Variants in BCAN observed in about 807,000 individuals in gnomAD.
BCAN encodes brevican.
In BCAN, 51 loss-of-function variants were observed where a neutral mutation model predicts 92.4. The ratio of observed to expected loss-of-function variants is 0.55; its 90% CI spans 0.44 to 0.70. The LOEUF is 0.70. Ranked by LOEUF, BCAN falls within the 30% of genes least tolerant of loss-of-function variation. BCAN has a pLI of 0.00. For synonymous variants in BCAN, 501 were observed against 505.2 expected (o/e 0.99, Z 0.11); for missense variants, 1,140 against 1,212.1 (o/e 0.94, Z 0.88).
chr1:156,657,753 C>G lies in BCAN; in HGVS notation c.2288C>G (p.Pro763Arg), dbSNP rs191539381. ...GACTTCTTGTGGTCGGATGGCGTCC[C>G]CCTGGTGAGAGGCCCCAGTCGAACC... The part of the protein sequence containing the change: ...EGDFLWSDGV[P>R]LLYENWNPGQ... The change falls in exon 11 of 14, where the codon CCC becomes CGC. Residue 763 changes from proline (P) to arginine (R), a missense_variant. By Grantham distance (103) the Pro-to-Arg change is moderately radical (BLOSUM62 -2). Transcript: ENST00000329117. The G allele has an allele frequency of 5.0e-6, 8 of 1,610,356 alleles. No homozygotes were observed. The highest frequency in any genetic ancestry group is 4.0e-5 in the African/African-American group (3 of 74,668).
intron 1 of BCAN, among the ~76,000 whole-genome samples, chr1:156,645,804 TC>T (rs1398170940): frequency 6.6e-6 from 1 of 152,188 alleles, no homozygotes; most frequent in Non-Finnish European, 1.5e-5. Flanking sequence ...AAATAAAGGC[TC>T]AGAGAAGGTA....
At chr1:156,645,476 G>A (rs748087870) in intron 1 of BCAN, among the ~76,000 whole-genome samples, 7 of 152,144 alleles carry the variant, frequency 4.6e-5, no homozygotes, top group African/African-American at 7.2e-5. Context: ...GCTTACTTGC[G>A]TTCGGTCTAG....
At chr1:156,656,538 C>T (rs1679334647) in intron 9 of BCAN, 149 bp downstream of exon 9, 2 of 589,188 alleles carry the variant, frequency 3.4e-6, no homozygotes, top group Non-Finnish European at 5.3e-6. Context: ...TGAGTCCTAC[C>T]CTCAATTTTC....
intron 2 of BCAN, 146 bp downstream of exon 2, chr1:156,646,291 G>A: frequency 2.6e-6 from 2 of 755,778 alleles, no homozygotes; most frequent in Non-Finnish European, 4.2e-6. Context: ...GGGCTGAGCT[G>A]TGAGCATCTG....
At chr1:156,654,492 A>G (rs11264511) in intron 8 of BCAN, among the ~76,000 whole-genome samples, 66,513 of 152,046 alleles carry the variant, frequency 0.44, 17,201 homozygotes, top group East Asian at 0.62. Flanking sequence ...CAATGGAAAG[A>G]AAGGGAAAAC....
chr1:156,657,862 C>A, intron 11 of BCAN, 105 bp downstream of exon 11: 1 of 1,021,168 alleles, frequency 9.8e-7, no homozygotes, highest in Non-Finnish European at 1.4e-6. Context: ...TTTTTCCGGC[C>A]TCCTTCCCTT....
At chr1:156,649,856 A>G (rs761367595) in intron 6 of BCAN, 4 of 518,684 alleles carry the variant, frequency 7.7e-6, no homozygotes, top group South Asian at 5.6e-5. Flanking sequence ...ATACTGTTAC[A>G]AGAGCTGGAA....
In BCAN at chr1:156,658,209, A is replaced by T; in HGVS notation, c.2375A>T (p.Gln792Leu). 1 of 1,614,138 alleles carries T rather than the reference A, an allele frequency of 6.2e-7. No homozygotes were observed. Among genetic ancestry groups the T allele is most frequent in the Non-Finnish European group, 8.5e-7 (1 of 1,180,030 alleles). Reference protein sequence around the residue: ...ENCVVMVWHDQGQWSDVPCNY... With the variant: ...ENCVVMVWHDLGQWSDVPCNY... ...TGCGTGGTCATGGTGTGGCATGATCAGGGACAATGGAGTGACGTGCCCTGC... is the reference window on the plus strand; with the variant it reads ...TGCGTGGTCATGGTGTGGCATGATCTGGGACAATGGAGTGACGTGCCCTGC... Residue 792 changes from glutamine (Q) to leucine (L), a missense_variant, in exon 12 of 14, where the codon CAG becomes CTG. Gln to Leu is a moderately radical substitution (Grantham distance 113, BLOSUM62 -2). This residue lies in a region of BCAN where 825 missense variants were observed against 871.8 expected (regional missense o/e 0.95). Transcript: ENST00000329117. This position sits in a 1 kb window ranked among gnomAD's most constrained non-coding sequence, Gnocchi z 4.4.
At position 156,657,045 on chromosome 1, in the gene BCAN, G is replaced by A. The variant is rs762530903; in HGVS notation, c.2158G>A (p.Gly720Ser). 5 of 1,614,206 alleles carry A rather than the reference G, an allele frequency of 3.1e-6. No individual in the cohort carries two copies. The highest frequency in any genetic ancestry group is 4.2e-6 in the Non-Finnish European group (5 of 1,180,018). ...GGCAGAGACCCAGTGCCGGATGTACGGCGCGCATCTGGCCAGCATCAGCAC... is the reference window on the plus strand; with the variant it reads ...GGCAGAGACCCAGTGCCGGATGTACAGCGCGCATCTGGCCAGCATCAGCAC... ...EEAETQCRMY[G>S]AHLASISTPE... is the part of the protein sequence containing the mutation. Residue 720 changes from glycine (G) to serine (S), a missense_variant, in exon 10 of 14, where the codon GGC becomes AGC. Gly to Ser is a moderately conservative substitution (Grantham distance 56). This residue lies in a region of BCAN where 825 missense variants were observed against 871.8 expected (regional missense o/e 0.95). Transcript: ENST00000329117.
At chr1:156,645,144 A>G (rs950227572) in intron 1 of BCAN, among the ~76,000 whole-genome samples, 3 of 151,678 alleles carry the variant, frequency 2.0e-5, no homozygotes, top group African/African-American at 7.3e-5. Flanking sequence ...AGCCAGGGGT[A>G]GGAAGGGGTA....
In BCAN at chr1:156,647,166, A is replaced by C. The variant is rs778435839; in HGVS notation, c.457A>C (p.Lys153Gln). ...TGACAGCAGCGACGCTGTGGAGGTCAAGGTCAAAGGTGAGAGGGCAGGGAG... is the reference window on the plus strand; with the variant it reads ...TGACAGCAGCGACGCTGTGGAGGTCCAGGTCAAAGGTGAGAGGGCAGGGAG... Reference protein sequence around the residue: ...IDDSSDAVEVKVKGVVFLYRE... With the variant: ...IDDSSDAVEVQVKGVVFLYRE... The change falls in exon 3 of 14, where the codon AAG becomes CAG. Residue 153 changes from lysine to glutamine, a missense_variant. Transcript: ENST00000329117. This position sits in a 1 kb window ranked among gnomAD's most constrained non-coding sequence, Gnocchi z 4.8. 1.5e-6 allele frequency: 2 copies of C among 1,296,788 alleles called. No homozygotes were observed. Among genetic ancestry groups the C allele is most frequent in the Non-Finnish European group, 2.0e-6 (2 of 979,840 alleles). 80.3% of individuals were successfully genotyped at this position (1,296,788 alleles called of 1,614,324 possible). A position where few individuals can be genotyped will look rare whatever the true frequency, so the allele number is the denominator to read the frequency against.
At chr1:156,657,849 T>G (rs1221058523) in intron 11 of BCAN, 92 bp downstream of exon 11, 6 of 926,172 alleles carry the variant, frequency 6.5e-6, no homozygotes, top group Non-Finnish European at 9.0e-6. Flanking sequence ...CCCTGTCCCC[T>G]TCTTTTTCCG....
Position 156,658,559 on chromosome 1 carries a change from A to G in BCAN, c.2454A>G (p.Pro818=), listed in dbSNP as rs763317076. 10 of 1,613,806 alleles carry G rather than the reference A, an allele frequency of 6.2e-6. No individual in the cohort carries two copies. The highest frequency in any genetic ancestry group is 2.2e-5 in the South Asian group (2 of 91,056). ...CCTTTGCAGTGTCCTGTGGGCCGCC[A>G]CCGGAGCTGCCCCTGGCTCAAGTGT... ...CKMGLVSCGP[P]PELPLAQVFG... The change falls in exon 13 of 14, where the codon CCA becomes CCG. Residue 818 remains proline (P), a synonymous_variant. Transcript: ENST00000329117. This position sits in a 1 kb window ranked among gnomAD's most constrained non-coding sequence, Gnocchi z 4.4.
intron 8 of BCAN, 134 bp from the exon 9 acceptor site, chr1:156,656,147 AC>A: frequency 2.1e-6 from 1 of 477,310 alleles, no homozygotes; most frequent in Non-Finnish European, 3.6e-6. Flanking sequence ...TCTAGGGAGA[AC>A]TTTTAGGGTG....
At position 156,659,328 on chromosome 1, in the gene BCAN, C is replaced by T. The variant is rs980455648; in HGVS notation, c.*194C>T. The T allele has an allele frequency of 3.6e-6, 2 of 556,018 alleles. No individual in the cohort carries two copies. Among genetic ancestry groups the T allele is most frequent in the African/African-American group, 1.9e-5 (1 of 51,834 alleles). The allele number at this position is 556,018 out of a possible 1,614,324, so 34.4% of individuals were successfully genotyped here. A position where few individuals can be genotyped will look rare whatever the true frequency, so the allele number is the denominator to read the frequency against. On this transcript the variant is annotated 3_prime_UTR_variant, in exon 14 of 14. Coordinates refer to ENST00000329117, the MANE Select transcript of BCAN (RefSeq NM_021948.5). The stretch of plus-strand genomic sequence containing the variant: ...GCCCAGCCCAGGCCCTCTCCCCCTA[C>T]CCTGGGCACCAGATCTTCCATCAGG...
chr1:156,657,675 A>G lies in BCAN; in HGVS notation c.2210A>G (p.Asn737Ser), dbSNP rs774867345. 2.5e-6 allele frequency: 4 copies of G among 1,608,434 alleles called. No individual in the cohort carries two copies. In the South Asian group the frequency reaches 4.4e-5, roughly 18 times the overall value. Residue 737 changes from asparagine (N) to serine (S), a missense_variant and splice_region_variant, in exon 11 of 14, where the codon AAC (asparagine) becomes AGC (serine). Asn to Ser is a conservative substitution (Grantham distance 46). Around this residue, in one of 3 missense-constraint regions of BCAN, gnomAD observed 825 missense variants for 871.8 expected, o/e 0.95. Transcript: ENST00000329117. Reference sequence around the variant, plus strand: ...TCACTGCACGCCTTCGTCTCCCTAGACCGGTACCGGGAGTACCAGTGGATC... The same window carrying G: ...TCACTGCACGCCTTCGTCTCCCTAGGCCGGTACCGGGAGTACCAGTGGATC... Reference protein sequence around the residue: ...STPEEQDFINNRYREYQWIGL... With the variant: ...STPEEQDFINSRYREYQWIGL...
intron 1 of BCAN, chr1:156,643,639 G>GAGAGAT (rs1251502396): frequency 3.4e-5 from 5 of 145,706 alleles, no homozygotes; most frequent in African/African-American, 1.4e-4. Flanking sequence ...CACACACAGA[G>GAGAGAT]AGAGAGAGAG....
At chr1:156,655,550 G>A (rs1158607520) in intron 8 of BCAN, among the ~76,000 whole-genome samples, 1 of 152,232 alleles carries the variant, frequency 6.6e-6, no homozygotes, top group African/African-American at 2.4e-5. Flanking sequence ...TGTGAGGCCA[G>A]TCAGCACTGC....
chr1:156,658,569 C>A lies in BCAN; in HGVS notation c.2464C>A (p.Pro822Thr), dbSNP rs752341869. 6.2e-7 allele frequency: 1 copy of A among 1,613,958 alleles called. No homozygotes were observed. Among genetic ancestry groups the A allele is most frequent in the Non-Finnish European group, 8.5e-7 (1 of 1,180,016 alleles). Residue 822 changes from proline to threonine, a missense_variant, in exon 13 of 14, where the codon CCC becomes ACC. By Grantham distance (38) the Pro-to-Thr change is conservative. Transcript: ENST00000329117. The surrounding 1 kb of genome is among the most constrained non-coding windows in gnomAD (Gnocchi z 4.4). ...LVSCGPPPELPLAQVFGRPRL... is the reference protein window; with the variant it reads ...LVSCGPPPELTLAQVFGRPRL... ...GTCCTGTGGGCCGCCACCGGAGCTG[C>A]CCCTGGCTCAAGTGTTCGGCCGCCC...
Sources: allele counts gnomAD v4.1 joint callset (sites outside exome capture counted in the v4.1 genomes callset), GRCh38; gene constraint gnomAD v4.1.1; regional missense constraint gnomAD v4.1.1; non-coding constraint Gnocchi (gnomAD v3.1); transcripts MANE v1.5; gene names NCBI Gene and HGNC (gene_info 2026-07-23, HGNC 2026-07-21).